The following PC variants were observed in gnomAD, a reference collection of about 807,000 sequenced individuals.
The protein encoded by PC is pyruvate carboxylase, mitochondrial.
A neutral mutation model predicts 107.8 loss-of-function variants in PC; 46 were observed. That is an observed-to-expected ratio of 0.43 (90% confidence interval 0.34 to 0.55). The LOEUF (loss-of-function observed/expected upper bound fraction) is 0.55. PC is among the 20% of genes least tolerant of loss of function. The pLI is 0.04. For missense variants in PC, 1,241 were observed against 1,643.1 expected, an observed-to-expected ratio of 0.76 and a Z score of 4.23; for synonymous variants, 662 against 684.7, an observed-to-expected ratio of 0.97 and a Z score of 0.52.
At chr11:66,867,364 T>C (rs2135922615) in intron 10 of PC, among the ~76,000 whole-genome samples, 1 of 152,254 alleles carries the variant, frequency 6.6e-6, no homozygotes, top group African/African-American at 2.4e-5. Context: ...CCAGCCTGGG[T>C]GACAGAGCAA....
intron 3 of PC, among the ~76,000 whole-genome samples, chr11:66,928,395 A>AC (rs1371572380): frequency 6.6e-6 from 1 of 151,688 alleles, no homozygotes; most frequent in East Asian, 1.9e-4. Context: ...CAAAAAAAAA[A>AC]AAAAAAACAA....
rs879943741 is a variant in PC at position 66,871,916 on chromosome 11, G to C, written c.137-45C>G. ...GAAGTTAGATTCCTAGGTCCTAGGA[G>C]AAGCAGAAAGGGGAGTGGGAAGCCA... is the stretch of plus-strand genomic sequence containing the variant. On this transcript the variant is annotated intron_variant, in intron 4 of 22. Transcript: ENST00000393960. This position sits in a 1 kb window ranked among gnomAD's most constrained non-coding sequence, Gnocchi z 7.4. 46 of 1,589,958 alleles carry C rather than the reference G, an allele frequency of 2.9e-5. 1 individual carries two copies. Among genetic ancestry groups the C allele is most frequent in the Non-Finnish European group, 1.8e-5 (21 of 1,169,916 alleles).
chr11:66,867,896 A>T (rs1946562894), intron 10 of PC, among the ~76,000 whole-genome samples: 1 of 152,224 alleles, frequency 6.6e-6, no homozygotes, highest in Non-Finnish European at 1.5e-5. Context: ...CAGCATCCTC[A>T]GTCTCAGGTG....
chr11:66,911,630 G>C (rs1219151504), intron 3 of PC, among the ~76,000 whole-genome samples: 1 of 151,798 alleles, frequency 6.6e-6, no homozygotes, highest in Non-Finnish European at 1.5e-5. Flanking sequence ...CTTTAGTCTA[G>C]TTAAGAAGGA....
In PC at chr11:66,852,654, G is replaced by C; in HGVS notation, c.1610C>G (p.Pro537Arg). The change falls in exon 15 of 23, where the codon CCC becomes CGC. Residue 537 changes from proline (P) to arginine (R), a missense_variant. By Grantham distance (103) the Pro-to-Arg change is moderately radical. Coordinates refer to ENST00000393960, the MANE Select transcript of PC (RefSeq NM_001040716.2). The surrounding 1 kb of genome is among the most constrained non-coding windows in gnomAD (Gnocchi z 4.7). ...PVVPAVPIGP[P>R]PAGFRDILLR... ...CAGGATGTCTCTGAAACCAGCCGGG[G>C]GCGGGCCTAGGGTAGACAGGGGCAT... 1 of 1,613,690 alleles carries C rather than the reference G, an allele frequency of 6.2e-7. No homozygotes were observed. Among genetic ancestry groups the C allele is most frequent in the Admixed American group, 1.7e-5 (1 of 60,012 alleles).
intron 3 of PC, among the ~76,000 whole-genome samples, chr11:66,888,917 T>C (rs1339609798): frequency 6.6e-6 from 1 of 151,690 alleles, no homozygotes; most frequent in Non-Finnish European, 1.5e-5. Context: ...CTACTAAAAA[T>C]ACAAAAATTA....
At chr11:66,922,549 G>A (rs1050005795) in intron 3 of PC, among the ~76,000 whole-genome samples, 1 of 92,394 alleles carries the variant, frequency 1.1e-5, no homozygotes, top group Admixed American at 1.5e-4. Context: ...GCAAGACTTT[G>A]TCTTAAAAAA....
chr11:66,864,037 G>T, intron 11 of PC, 81 bp from the exon 12 acceptor site: 5 of 1,395,388 alleles, frequency 3.6e-6, no homozygotes, highest in Non-Finnish European at 4.1e-6. Flanking sequence ...CTGGCCAGGT[G>T]TGCACCCAGC....
chr11:66,875,860 G>A (rs778008121), intron 3 of PC, among the ~76,000 whole-genome samples: 28 of 152,130 alleles, frequency 1.8e-4, no homozygotes, highest in Admixed American at 1.3e-3. Flanking sequence ...CACGCTGACC[G>A]AGAGATGAAG....
rs1057524862 is a variant in PC at position 66,863,875 on chromosome 11, C to T, written c.1267G>A (p.Asp423Asn). The T allele has an allele frequency of 4.3e-6, 7 of 1,613,964 alleles. No individual in the cohort carries two copies. The highest frequency in any genetic ancestry group is 1.3e-5 in the African/African-American group (1 of 75,004). Residue 423 changes from aspartate (D) to asparagine (N), a missense_variant, in exon 12 of 23, where the codon GAC becomes AAC. Coordinates refer to ENST00000393960, the MANE Select transcript of PC (RefSeq NM_001040716.2). ...FQGAVISPHY[D>N]SLLVKVIAHG... ...GCAATGACTTTGACCAGCAGGGAGT[C>T]GTAGTGGGGCGAGATGACGGCTCCT... is the stretch of plus-strand genomic sequence containing the variant.
intron 17 of PC, 26 bp from the exon 18 acceptor site, chr11:66,850,949 G>A (rs200417123): frequency 6.2e-7 from 1 of 1,607,472 alleles, no homozygotes; most frequent in Admixed American, 1.7e-5. Flanking sequence ...GAGAGAGAGA[G>A]AGAGATGGTA....
At chr11:66,887,135 TCCTGCAG>T (rs993623712) in intron 3 of PC, among the ~76,000 whole-genome samples, 2 of 151,828 alleles carry the variant, frequency 1.3e-5, no homozygotes, top group Non-Finnish European at 2.9e-5. Flanking sequence ...GAACCAGGAG[TCCTGCAG>T]CTACTGGTAT....
At chr11:66,902,589 T>A (rs1028930959) in intron 3 of PC, among the ~76,000 whole-genome samples, 1 of 152,118 alleles carries the variant, frequency 6.6e-6, no homozygotes, top group Non-Finnish European at 1.5e-5. Context: ...AGATAGATTG[T>A]CAAGACTGAT....
At chr11:66,851,580 C>A (rs550153854) in intron 16 of PC, among the ~76,000 whole-genome samples, 1 of 152,302 alleles carries the variant, frequency 6.6e-6, no homozygotes, top group South Asian at 2.1e-4. Context: ...CTTCCACTGC[C>A]CCAGGAGTGA....
At position 66,857,479 on chromosome 11, in the gene PC, C is replaced by T; in HGVS notation, c.1369-4096G>A. ...GACCCTCCCTGCTCTCGGTCCTCCT[C>T]CGCTTCCTGCCTCATGCCTCACCTT... On this transcript the variant is annotated intron_variant, in intron 12 of 22. Transcript: ENST00000393960. This position sits in a 1 kb window ranked among gnomAD's most constrained non-coding sequence, Gnocchi z 7.1. 2.2e-6 allele frequency: 1 copy of T among 449,846 alleles called. No individual in the cohort carries two copies. Among genetic ancestry groups the T allele is most frequent in the Non-Finnish European group, 3.9e-6 (1 of 255,456 alleles). The allele number at this position is 449,846 out of a possible 1,614,324, so 27.9% of individuals were successfully genotyped here. A position where few individuals can be genotyped will look rare whatever the true frequency, so the allele number is the denominator to read the frequency against.
In PC at chr11:66,851,939, C is replaced by A. The variant is rs138796998; in HGVS notation, c.1833G>T (p.Thr611=). Residue 611 remains threonine (T), a synonymous_variant, in exon 16 of 23, where the codon ACG becomes ACT. Coordinates refer to ENST00000393960, the MANE Select transcript of PC (RefSeq NM_001040716.2). The part of the protein sequence containing the change: ...LFSMENWGGA[T]FDVAMRFLYE... ...ACAGGAAGCGCATGGCGACGTCAAA[C>A]GTGGCTCCTGCACAGGAACCGAGAG... 6.2e-7 allele frequency: 1 copy of A among 1,613,872 alleles called. No homozygotes were observed. Among genetic ancestry groups the A allele is most frequent in the Non-Finnish European group, 8.5e-7 (1 of 1,180,012 alleles).
At position 66,871,266 on chromosome 11, in the gene PC, C is replaced by A. The variant is rs201448068; in HGVS notation, c.487+49G>T. On this transcript the variant is annotated intron_variant, in intron 6 of 22. Coordinates refer to ENST00000393960, the MANE Select transcript of PC (RefSeq NM_001040716.2). The surrounding 1 kb of genome is among the most constrained non-coding windows in gnomAD (Gnocchi z 7.4). ...ATCCCTGCCACCCCTCCCTGCTGGA[C>A]CCTCTCCAGGAGCTGCGGGGCCACC... The A allele has an allele frequency of 4.6e-5, 75 of 1,614,044 alleles. No individual in the cohort carries two copies. The highest frequency in any genetic ancestry group is 5.8e-5 in the Non-Finnish European group (69 of 1,179,986).
At position 66,850,113 on chromosome 11, in the gene PC, T is replaced by G; in HGVS notation, c.2722A>C (p.Thr908Pro). 1 of 1,613,664 alleles carries G rather than the reference T, an allele frequency of 6.2e-7. No homozygotes were observed. The highest frequency in any genetic ancestry group is 8.5e-7 in the Non-Finnish European group (1 of 1,180,006). The change falls in exon 20 of 23, where the codon ACG becomes CCG. Residue 908 changes from threonine to proline, a missense_variant. Thr to Pro is a conservative substitution (Grantham distance 38). Transcript: ENST00000393960. ...NQMLGDLIKVTPSSKIVGDLA... is the reference protein window; with the variant it reads ...NQMLGDLIKVPPSSKIVGDLA... ...TCCCCCACGATCTTGGAGGAGGGCG[T>G]CACCTGAGGAGAAGGCCCTGGAGGT...
rs781599048 is a variant in PC, at chr11:66,853,327, A to G, written c.1425T>C (p.Thr475=). 7.5e-6 allele frequency: 12 copies of G among 1,608,444 alleles called. No individual in the cohort carries two copies. Among genetic ancestry groups the G allele is most frequent in the Non-Finnish European group, 9.4e-6 (11 of 1,176,438 alleles). ...VLNNQQFLAG[T]VDTQFIDENP... is the part of the protein sequence containing the mutation. Reference sequence around the variant, plus strand: ...TCTCGTCGATGAACTGGGTGTCCACAGTGCCTGCCAGGAACTGCTGGTTGT... The same window carrying G: ...TCTCGTCGATGAACTGGGTGTCCACGGTGCCTGCCAGGAACTGCTGGTTGT... Residue 475 remains threonine, a synonymous_variant, in exon 13 of 23, where the codon ACT becomes ACC. Coordinates refer to ENST00000393960, the MANE Select transcript of PC (RefSeq NM_001040716.2).
Sources: gnomAD v4.1 joint callset for allele counts (sites outside exome capture counted in the v4.1 genomes callset) on GRCh38, gnomAD v4.1.1 for gene constraint, Gnocchi (gnomAD v3.1) non-coding constraint, MANE v1.5 for transcripts, NCBI Gene and HGNC (gene_info 2026-07-23, HGNC 2026-07-21) for gene names.